UBE2S: variants seen among roughly 807,000 people sequenced by gnomAD.
UBE2S encodes ubiquitin conjugating enzyme E2 S.
Under a neutral mutation model 12.3 loss-of-function variants are expected in UBE2S, and 3 were observed. That is an observed-to-expected ratio of 0.24 (90% confidence interval 0.11 to 0.63). The LOEUF is 0.63. Ranked by LOEUF, UBE2S falls within the 30% of genes least tolerant of loss-of-function variation. UBE2S has a pLI of 0.85. For missense variants in UBE2S, 211 were observed against 313.9 expected, an observed-to-expected ratio of 0.67 and a Z score of 2.48; for synonymous variants, 133 against 142.0, an observed-to-expected ratio of 0.94 and a Z score of 0.45.
intron 1 of UBE2S, 55 bp from the exon 2 acceptor site, chr19:55,407,017 AG>A: frequency 6.3e-7 from 1 of 1,589,102 alleles, no homozygotes; most frequent in South Asian, 1.1e-5. Flanking sequence ...GGCTTCCCGC[AG>A]GGCCTAAAGA....
chr19:55,405,136 G>A (rs2090088567), intron 2 of UBE2S, among the ~76,000 whole-genome samples: 1 of 150,122 alleles, frequency 6.7e-6, no homozygotes, highest in African/African-American at 2.5e-5. Flanking sequence ...CTTGAACCCG[G>A]GATGGGGAGG....
In UBE2S at chr19:55,401,789, T is replaced by C. The variant is rs1275978138; in HGVS notation, c.343-27A>G. On this transcript the variant is annotated intron_variant, in intron 3 of 3. Transcript: ENST00000264552. ...TGTGGGAAGAGGCTCAGGGTCACAGTGGGTCGGGCAACCTACAGGGACCCC... is the reference window on the plus strand; with the variant it reads ...TGTGGGAAGAGGCTCAGGGTCACAGCGGGTCGGGCAACCTACAGGGACCCC... The C allele has an allele frequency of 6.8e-6, 11 of 1,612,180 alleles. No individual in the cohort carries two copies. The East Asian group carries it at 2.2e-4, about 33-fold the overall frequency.
Position 55,404,486 on chromosome 19 carries a change from G to A in UBE2S, c.152-8C>T. The A allele has an allele frequency of 6.3e-7, 1 of 1,597,980 alleles. No individual in the cohort carries two copies. Among genetic ancestry groups the A allele is most frequent in the Middle Eastern group, 1.7e-4 (1 of 5,978 alleles). On this transcript the variant is annotated splice_region_variant and splice_polypyrimidine_tract_variant and intron_variant, in intron 2 of 3. Coordinates refer to ENST00000264552, the MANE Select transcript of UBE2S (RefSeq NM_014501.3). This position sits in a 1 kb window ranked among gnomAD's most constrained non-coding sequence, Gnocchi z 4.4. The stretch of plus-strand genomic sequence containing the variant: ...CAGCATATGGGGTCCCCTCTGGAGT[G>A]GAGGGAGGGGTACAGGGTCAGGGCA...
intron 3 of UBE2S, chr19:55,403,974 C>T (rs2090080035): frequency 3.5e-6 from 1 of 289,054 alleles, no homozygotes; most frequent in Non-Finnish European, 6.6e-6. Flanking sequence ...CTCCTGAGCT[C>T]AAGTGATCCA....
At position 55,404,576 on chromosome 19, in the gene UBE2S, G is replaced by T; in HGVS notation, c.152-98C>A. On this transcript the variant is annotated intron_variant, in intron 2 of 3. Coordinates refer to ENST00000264552, the MANE Select transcript of UBE2S (RefSeq NM_014501.3). The surrounding 1 kb of genome is among the most constrained non-coding windows in gnomAD (Gnocchi z 4.4). ...TCTCCACGGTCTGATTGTGATGCAG[G>T]TGGGTGCCCCGCCAACTCTGCCAAC... 3.5e-6 allele frequency: 4 copies of T among 1,159,046 alleles called. No individual in the cohort carries two copies. Among genetic ancestry groups the T allele is most frequent in the Non-Finnish European group, 4.8e-6 (4 of 830,786 alleles). The allele number at this position is 1,159,046 out of a possible 1,614,324, so 71.8% of individuals were successfully genotyped here. A position where few individuals can be genotyped will look rare whatever the true frequency, so the allele number is the denominator to read the frequency against.
Position 55,400,535 on chromosome 19 carries a change from G to C in UBE2S, c.*901C>G, listed in dbSNP as rs2090049505. The C allele has an allele frequency of 6.6e-6, 1 of 152,216 alleles. No individual in the cohort carries two copies. The highest frequency in any genetic ancestry group is 2.4e-5 in the African/African-American group (1 of 41,440). The allele number at this position is 152,216 out of a possible 1,614,324, so 9.4% of individuals were successfully genotyped here. ...GACCTAATCCGGTGAGCACCTCAAA[G>C]GGAATGGGCCCTTAAATCAGACCTG... On this transcript the variant is annotated 3_prime_UTR_variant, in exon 4 of 4. Transcript: ENST00000264552.
In UBE2S at chr19:55,406,858, G is replaced by C. The variant is rs139337996; in HGVS notation, c.108C>G (p.Asn36Lys). Residue 36 changes from asparagine (N) to lysine (K), a missense_variant, in exon 2 of 4, where the codon AAC (asparagine) becomes AAG (lysine). By Grantham distance (94) the Asn-to-Lys change is moderately conservative. This residue lies in a region of UBE2S where 127 missense variants were observed against 224.0 expected (regional missense o/e 0.57). Transcript: ENST00000264552. ...DPPDGIKVFP[N>K]EEDLTDLQVT... is the part of the protein sequence containing the mutation. ...CCTGGAGGTCGGTGAGGTCCTCCTC[G>C]TTGGGAAAGACCTTGATGCCATCGG... 1.2e-6 allele frequency: 2 copies of C among 1,613,844 alleles called. No individual in the cohort carries two copies. Among genetic ancestry groups the C allele is most frequent in the East Asian group, 4.5e-5 (2 of 44,862 alleles).
Position 55,400,109 on chromosome 19 carries a change from T to C in UBE2S, c.*1327A>G, listed in dbSNP as rs187632970. ...TTCAACCTCAGCTGTTTTATTAGAA[T>C]AGGCAAATTCTTTCAGGACAAAAGC... On this transcript the variant is annotated 3_prime_UTR_variant, in exon 4 of 4. Coordinates refer to ENST00000264552, the MANE Select transcript of UBE2S (RefSeq NM_014501.3). The C allele has an allele frequency of 6.6e-6, 1 of 152,216 alleles. No homozygotes were observed. Among genetic ancestry groups the C allele is most frequent in the Admixed American group, 6.5e-5 (1 of 15,288 alleles). The allele number at this position is 152,216 out of a possible 1,614,324, so 9.4% of individuals were successfully genotyped here.
Position 55,404,301 on chromosome 19 carries a change from C to A in UBE2S, c.329G>T (p.Arg110Leu). The A allele has an allele frequency of 6.2e-7, 1 of 1,613,068 alleles. No individual in the cohort carries two copies. Among genetic ancestry groups the A allele is most frequent in the Non-Finnish European group, 8.5e-7 (1 of 1,179,834 alleles). ...CCCAGAACTCACCAGCAGTACGTGT[C>A]GGATGCCCAGCTCAGCCGTCCAGTC... ...KRDWTAELGI[R>L]HVLLTIKCLL... The change falls in exon 3 of 4, where the codon CGA (arginine) becomes CTA (leucine). Residue 110 changes from arginine to leucine, a missense_variant. Transcript: ENST00000264552. This position sits in a 1 kb window ranked among gnomAD's most constrained non-coding sequence, Gnocchi z 4.4.
rs533831995 is a variant in UBE2S at position 55,404,246 on chromosome 19, A to AGAGGCAG, written c.342+35_342+41dup. ...ATGGCTCAGACACCAGCAGACCTCC[A>AGAGGCAG]GAGGCAGGAGGCAGGAGGCCCAGCC... On this transcript the variant is annotated intron_variant, in intron 3 of 3. Transcript: ENST00000264552. The surrounding 1 kb of genome is among the most constrained non-coding windows in gnomAD (Gnocchi z 4.4). 20 of 1,608,086 alleles carry AGAGGCAG rather than the reference A, an allele frequency of 1.2e-5. No individual in the cohort carries two copies. In the African/African-American group the frequency reaches 1.6e-4, roughly 13 times the overall value.
intron 3 of UBE2S, 98 bp from the exon 4 acceptor site, chr19:55,401,860 C>G: frequency 1.5e-6 from 2 of 1,310,190 alleles, no homozygotes; most frequent in South Asian, 1.2e-5. Flanking sequence ...GTTCCTTCTG[C>G]TCCCAACTCA....
At chr19:55,406,468 C>A (rs2090096711) in intron 2 of UBE2S, among the ~76,000 whole-genome samples, 1 of 152,126 alleles carries the variant, frequency 6.6e-6, no homozygotes, top group African/African-American at 2.4e-5. Flanking sequence ...GATCACCTGG[C>A]CCACCCTCCC....
Position 55,404,552 on chromosome 19 carries a change from C to G in UBE2S, c.152-74G>C. The G allele has an allele frequency of 7.3e-7, 1 of 1,361,912 alleles. No homozygotes were observed. The highest frequency in any genetic ancestry group is 2.5e-5 in the East Asian group (1 of 40,678). 84.4% of individuals were successfully genotyped at this position (1,361,912 alleles called of 1,614,324 possible). A position where few individuals can be genotyped will look rare whatever the true frequency, so the allele number is the denominator to read the frequency against. On this transcript the variant is annotated intron_variant, in intron 2 of 3. Transcript: ENST00000264552. The surrounding 1 kb of genome is among the most constrained non-coding windows in gnomAD (Gnocchi z 4.4). ...GCACCTCAACACCCCAAAGTCCAGT[C>G]TCCACGGTCTGATTGTGATGCAGGT...
Position 55,400,235 on chromosome 19 carries a change from C to A in UBE2S, c.*1201G>T, listed in dbSNP as rs989660990. 2 of 152,200 alleles carry A rather than the reference C, an allele frequency of 1.3e-5. No individual in the cohort carries two copies. Among genetic ancestry groups the A allele is most frequent in the Non-Finnish European group, 2.9e-5 (2 of 68,038 alleles). 9.4% of individuals were successfully genotyped at this position (152,200 alleles called of 1,614,324 possible). On this transcript the variant is annotated 3_prime_UTR_variant, in exon 4 of 4. Transcript: ENST00000264552. ...AGATGGGATCTCACTGTGTTGCCCA[C>A]GTTCGTCTTTAACTCCTGGCCTCAA...
intron 3 of UBE2S, among the ~76,000 whole-genome samples, chr19:55,402,188 G>C (rs1190344351): frequency 1.3e-5 from 2 of 152,224 alleles, no homozygotes; most frequent in Admixed American, 6.5e-5. Context: ...CTGCAGCCTG[G>C]ACAGAGAGAA....
intron 3 of UBE2S, 148 bp from the exon 4 acceptor site, chr19:55,401,910 A>C: frequency 1.5e-6 from 1 of 673,512 alleles, no homozygotes; most frequent in Non-Finnish European, 2.2e-6. Context: ...ATCCTCCCTC[A>C]TCTTTGCTCC....
intron 2 of UBE2S, 108 bp downstream of exon 2, chr19:55,406,707 A>T (rs947803670): frequency 7.7e-6 from 11 of 1,420,510 alleles, no homozygotes; most frequent in Non-Finnish European, 1.0e-5. Flanking sequence ...GCATCCCAAC[A>T]CCTGACACGA....
In UBE2S at chr19:55,406,684, C is replaced by T. The variant is rs1381331844; in HGVS notation, c.151+131G>A. 12 of 1,166,624 alleles carry T rather than the reference C, an allele frequency of 1.0e-5. No homozygotes were observed. The Admixed American group carries it at 2.9e-4, about 28-fold the overall frequency. The allele number at this position is 1,166,624 out of a possible 1,614,324, so 72.3% of individuals were successfully genotyped here. A position where few individuals can be genotyped will look rare whatever the true frequency, so the allele number is the denominator to read the frequency against. On this transcript the variant is annotated intron_variant, in intron 2 of 3. Coordinates refer to ENST00000264552, the MANE Select transcript of UBE2S (RefSeq NM_014501.3). The stretch of plus-strand genomic sequence containing the variant: ...ATAATTGTCATTTGTGGCGTCCTGC[C>T]CTGTCCACCAATGCATCCCAACACC...
chr19:55,406,568 T>G (rs2090097342), intron 2 of UBE2S, among the ~76,000 whole-genome samples: 2 of 152,330 alleles, frequency 1.3e-5, no homozygotes, highest in Non-Finnish European at 2.9e-5. Context: ...GGAAGCCATG[T>G]CTGAAAGCCT....
Sources: gnomAD v4.1 joint callset for allele counts (sites outside exome capture counted in the v4.1 genomes callset) on GRCh38, gnomAD v4.1.1 for gene constraint, gnomAD v4.1.1 regional missense constraint, Gnocchi (gnomAD v3.1) non-coding constraint, MANE v1.5 for transcripts, NCBI Gene and HGNC (gene_info 2026-07-23, HGNC 2026-07-21) for gene names.